ACYP2: variants seen among roughly 807,000 people sequenced by gnomAD.
ACYP2 encodes acylphosphatase 2, also known as acylphosphatase-2.
ACYP2 carries 12 observed loss-of-function variants against 11.2 expected under a neutral mutation model. That is an observed-to-expected ratio of 1.08 (90% confidence interval 0.69 to 1.74). The LOEUF (loss-of-function observed/expected upper bound fraction) is 1.74, where lower values mean the gene tolerates loss of function less well. ACYP2 is among the 40% of genes most tolerant of loss of function. The pLI is 0.00. For missense variants in ACYP2, 134 were observed against 101.9 expected, an observed-to-expected ratio of 1.31 and a Z score of -1.35; for synonymous variants, 43 against 32.2, an observed-to-expected ratio of 1.33 and a Z score of -1.13.
chr2:54,222,287 T>C (rs1273865042), intron 6 of ACYP2, among the ~76,000 whole-genome samples: 1 of 152,120 alleles, frequency 6.6e-6, no homozygotes, highest in African/African-American at 2.4e-5. Context: ...TGGTGGCTCA[T>C]GCCTGTAGTC....
chr2:54,002,619 A>G (rs975207226), intron 2 of ACYP2, among the ~76,000 whole-genome samples: 2 of 151,336 alleles, frequency 1.3e-5, no homozygotes, highest in African/African-American at 2.4e-5. Context: ...TGCTAGGATT[A>G]TAGGCATGAG....
At chr2:53,997,106 C>T (rs752582184) in intron 2 of ACYP2, among the ~76,000 whole-genome samples, 35 of 152,116 alleles carry the variant, frequency 2.3e-4, no homozygotes, top group Non-Finnish European at 3.4e-4. Flanking sequence ...TCTTGTTGCT[C>T]ACATAATACC....
At chr2:54,256,793 C>G (rs1687559957) in intron 6 of ACYP2, among the ~76,000 whole-genome samples, 1 of 151,832 alleles carries the variant, frequency 6.6e-6, no homozygotes, top group African/African-American at 2.4e-5. Flanking sequence ...AGGCGCCCAC[C>G]ACCATGCCCG....
At chr2:54,178,411 G>T (rs1172671746) in intron 6 of ACYP2, among the ~76,000 whole-genome samples, 4 of 152,256 alleles carry the variant, frequency 2.6e-5, no homozygotes, top group Admixed American at 6.5e-5. Flanking sequence ...TTTGTGCAGT[G>T]TTTATAGTGA....
At chr2:54,132,423 C>T (rs569075549) in intron 4 of ACYP2, among the ~76,000 whole-genome samples, 6 of 152,126 alleles carry the variant, frequency 3.9e-5, no homozygotes, top group Non-Finnish European at 8.8e-5. Context: ...CCTATAAAAA[C>T]TCCATTTGTG....
intron 6 of ACYP2, among the ~76,000 whole-genome samples, chr2:54,210,608 T>C (rs1303470312): frequency 6.6e-6 from 1 of 152,250 alleles, no homozygotes; most frequent in Non-Finnish European, 1.5e-5. Context: ...TGTATTTGAA[T>C]TTTGATAATA....
chr2:54,289,662 T>C (rs967462033), intron 6 of ACYP2, among the ~76,000 whole-genome samples: 1 of 151,910 alleles, frequency 6.6e-6, no homozygotes, highest in Non-Finnish European at 1.5e-5. Flanking sequence ...ATTATAAAAG[T>C]ACCATTTACA....
intron 2 of ACYP2, among the ~76,000 whole-genome samples, chr2:53,995,488 TTTTATTTA>T (rs374442168): frequency 6.9e-5 from 10 of 145,116 alleles, no homozygotes; most frequent in African/African-American, 1.0e-4. Context: ...TTTATTTATT[TTTTATTTA>T]TTTATTTATT....
At chr2:54,063,360 A>G (rs1187721794) in intron 4 of ACYP2, among the ~76,000 whole-genome samples, 2 of 152,184 alleles carry the variant, frequency 1.3e-5, no homozygotes, top group Non-Finnish European at 2.9e-5. Flanking sequence ...AAAATATCCT[A>G]AAATAAAAGA....
chr2:54,072,466 C>CTT (rs951477114), intron 4 of ACYP2, among the ~76,000 whole-genome samples: 8 of 127,164 alleles, frequency 6.3e-5, no homozygotes, highest in Admixed American at 1.6e-4. Context: ...TTCTTTCTTT[C>CTT]TTTTTCTTTC....
intron 2 of ACYP2, among the ~76,000 whole-genome samples, chr2:54,017,592 C>T (rs890278390): frequency 1.3e-5 from 2 of 152,152 alleles, no homozygotes; most frequent in African/African-American, 2.4e-5. Context: ...TTGGAAAACA[C>T]ATTCAGCCCA....
At chr2:53,977,207 C>T (rs1390486061) in intron 2 of ACYP2, among the ~76,000 whole-genome samples, 1 of 152,060 alleles carries the variant, frequency 6.6e-6, no homozygotes, top group African/African-American at 2.4e-5. Flanking sequence ...GCCATCACGC[C>T]CAGCTAATTT....
chr2:54,069,390 C>T (rs1042611201), intron 4 of ACYP2, among the ~76,000 whole-genome samples: 12 of 151,042 alleles, frequency 7.9e-5, no homozygotes, highest in African/African-American at 1.2e-4. Context: ...AGGCTGGGCA[C>T]GGTGGCTCAT....
At chr2:54,017,017 G>C (rs569888678) in intron 2 of ACYP2, among the ~76,000 whole-genome samples, 12 of 152,034 alleles carry the variant, frequency 7.9e-5, no homozygotes, top group African/African-American at 2.4e-4. Context: ...GAGCCTCCGC[G>C]CCCGGCCCTT....
chr2:53,987,842 T>A (rs995761323), intron 2 of ACYP2, among the ~76,000 whole-genome samples: 1 of 152,142 alleles, frequency 6.6e-6, no homozygotes, highest in Non-Finnish European at 1.5e-5. Context: ...CTTGTGGGTT[T>A]TTTTGTTTGT....
At chr2:54,004,577 A>AT (rs1165733472) in intron 2 of ACYP2, among the ~76,000 whole-genome samples, 5 of 150,798 alleles carry the variant, frequency 3.3e-5, no homozygotes, top group Admixed American at 6.6e-5. Flanking sequence ...TGCCTGGCTA[A>AT]TTTTTTTGTA....
At chr2:54,188,934 A>G (rs1400235521) in intron 6 of ACYP2, among the ~76,000 whole-genome samples, 1 of 152,142 alleles carries the variant, frequency 6.6e-6, no homozygotes, top group East Asian at 1.9e-4. Context: ...TCTGGATCCT[A>G]GCCCACCTGC....
At chr2:54,243,137 T>C (rs542182265) in intron 6 of ACYP2, among the ~76,000 whole-genome samples, 27 of 152,348 alleles carry the variant, frequency 1.8e-4, no homozygotes, top group Admixed American at 5.9e-4. Flanking sequence ...TTGAAAAATT[T>C]TTTTTGTCAT....
chr2:54,250,046 C>T (rs768295432), intron 6 of ACYP2, among the ~76,000 whole-genome samples: 1 of 151,546 alleles, frequency 6.6e-6, no homozygotes, highest in Non-Finnish European at 1.5e-5. Flanking sequence ...CAACCCCTGA[C>T]ATGTAGCTCA....
Sources: allele counts gnomAD v4.1 joint callset (sites outside exome capture counted in the v4.1 genomes callset), GRCh38; gene constraint gnomAD v4.1.1; transcripts MANE v1.5; gene names NCBI Gene and HGNC (gene_info 2026-07-23, HGNC 2026-07-21).